Variants in LRRC9 observed in about 807,000 individuals in gnomAD.
The protein encoded by LRRC9 is leucine-rich repeat-containing protein 9.
A neutral mutation model predicts 63.2 loss-of-function variants in LRRC9; 122 were observed. The ratio of observed to expected loss-of-function variants is 1.93; its 90% confidence interval spans 1.67 to 2.24. LRRC9 has a LOEUF of 2.24. Ranked by LOEUF, LRRC9 falls within the 30% of genes most tolerant of loss-of-function variation. The pLI is 0.00. For missense variants in LRRC9, 1,071 were observed against 627.7 expected, an observed-to-expected ratio of 1.71 and a Z score of -7.55; for synonymous variants, 366 against 213.1, an observed-to-expected ratio of 1.72 and a Z score of -6.25.
intron 17 of LRRC9, among the ~76,000 whole-genome samples, chr14:59,988,885 T>C (rs1887762582): frequency 6.6e-6 from 1 of 152,142 alleles, no homozygotes. Flanking sequence ...TTTAGCTATG[T>C]CCTTTATACT....
At chr14:59,955,043 G>C (rs767593101) in intron 8 of LRRC9, among the ~76,000 whole-genome samples, 3 of 152,158 alleles carry the variant, frequency 2.0e-5, no homozygotes, top group Non-Finnish European at 4.4e-5. Context: ...GATTTGGTTT[G>C]CCAGTATTTT....
chr14:59,966,696 G>C lies in LRRC9; in HGVS notation c.1319G>C (p.Arg440Pro). 1.4e-6 allele frequency: 1 copy of C among 694,390 alleles called. No individual in the cohort carries two copies. Among genetic ancestry groups the C allele is most frequent in the Admixed American group, 2.1e-5 (1 of 48,404 alleles). 43.0% of individuals were successfully genotyped at this position (694,390 alleles called of 1,614,324 possible). A position where few individuals can be genotyped will look rare whatever the true frequency, so the allele number is the denominator to read the frequency against. ...AAACGCATCATTAAAGTTAACAACCGTATTCTGAGACTAAAATTCGAAGAG... is the reference window on the plus strand; with the variant it reads ...AAACGCATCATTAAAGTTAACAACCCTATTCTGAGACTAAAATTCGAAGAG... Residue 440 changes from arginine (R) to proline (P), a missense_variant, in exon 11 of 32, where the codon CGT (arginine) becomes CCT (proline). Physicochemically the swap from Arg to Pro is moderately radical, Grantham distance 103 (BLOSUM62 -2). Transcript: ENST00000445360. This position sits in a 1 kb window ranked among gnomAD's most constrained non-coding sequence, Gnocchi z 4.0.
At chr14:59,989,358 TTCTTA>T (rs954760180) in intron 17 of LRRC9, among the ~76,000 whole-genome samples, 46 of 152,202 alleles carry the variant, frequency 3.0e-4, no homozygotes, top group African/African-American at 9.9e-4. Context: ...CTTCATTCAT[TTCTTA>T]TCTTAAATTT....
intron 27 of LRRC9, among the ~76,000 whole-genome samples, chr14:60,025,510 G>A (rs186036728): frequency 5.8e-4 from 88 of 152,030 alleles, no homozygotes; most frequent in African/African-American, 1.8e-3. Flanking sequence ...ATGCCATGGC[G>A]AGCATGGCAA....
rs1333714341 is a variant in LRRC9 at position 60,051,989 on chromosome 14, C to T, written c.3991-1076C>T. ...ACCCCACCCTGCTTTTCTTTGTTCCCCATGGATCCAGTTGATTGCCTAGTC... is the reference window on the plus strand; with the variant it reads ...ACCCCACCCTGCTTTTCTTTGTTCCTCATGGATCCAGTTGATTGCCTAGTC... On this transcript the variant is annotated intron_variant, in intron 29 of 31. Coordinates refer to ENST00000445360, the Ensembl canonical transcript of LRRC9. This position sits in a 1 kb window ranked among gnomAD's most constrained non-coding sequence, Gnocchi z 4.7. 6.6e-6 allele frequency among the ~76,000 whole-genome samples: 1 copy of T among 152,196 alleles called. No homozygotes were observed. The highest frequency in any genetic ancestry group is 2.4e-5 in the African/African-American group (1 of 41,450).
exon 32 of LRRC9, chr14:60,063,467 T>C (rs934588100): frequency 1.5e-5 from 10 of 657,512 alleles, no homozygotes; most frequent in South Asian, 8.4e-5. Flanking sequence ...AAGATAATCA[T>C]GTTACTTAAG....
intron 1 of LRRC9, among the ~76,000 whole-genome samples, chr14:59,925,533 C>A (rs748073498): frequency 2.0e-5 from 3 of 152,152 alleles, no homozygotes; most frequent in Non-Finnish European, 4.4e-5. Flanking sequence ...CTTAAAGGCC[C>A]ACCTCTTAAT....
intron 29 of LRRC9, among the ~76,000 whole-genome samples, chr14:60,034,305 C>A (rs1892249940): frequency 6.6e-6 from 1 of 151,910 alleles, no homozygotes; most frequent in Non-Finnish European, 1.5e-5. Flanking sequence ...GAGTGAGCCA[C>A]CGTGCTCAGC....
At chr14:59,974,764 A>T (rs1885930511) in intron 13 of LRRC9, 56 bp downstream of exon 13, 1 of 564,704 alleles carries the variant, frequency 1.8e-6, no homozygotes, top group Admixed American at 3.5e-5. Context: ...CAAATTCATT[A>T]ATTATTTTTA....
chr14:59,992,508 T>A (rs150241988), intron 17 of LRRC9, among the ~76,000 whole-genome samples: 170 of 152,010 alleles, frequency 1.1e-3, no homozygotes, highest in African/African-American at 3.8e-3. Context: ...ATCAAACTAC[T>A]CAGAGCTAAA....
At chr14:60,038,799 C>A (rs936827252) in intron 29 of LRRC9, among the ~76,000 whole-genome samples, 1 of 152,170 alleles carries the variant, frequency 6.6e-6, no homozygotes, top group Admixed American at 6.5e-5. Context: ...ACTTCCAACA[C>A]TATGTTGAAT....
chr14:59,977,858 C>G (rs113823142), intron 14 of LRRC9, among the ~76,000 whole-genome samples, 159 bp from the exon 15 acceptor site: 1 of 151,932 alleles, frequency 6.6e-6, no homozygotes, highest in Non-Finnish European at 1.5e-5. Flanking sequence ...TCGCAACTTA[C>G]TGAGTTTGTT....
rs550598204 is a variant in LRRC9, at chr14:59,923,264, A to G, written c.-34+3381A>G. ...ATAGAATTTGGGGTTTTTAAATTAA[A>G]TTGTATTTTTCTAATTAGCTGTTGA... is the stretch of plus-strand genomic sequence containing the variant. On this transcript the variant is annotated intron_variant, in intron 1 of 31. Coordinates refer to ENST00000445360, the Ensembl canonical transcript of LRRC9. The surrounding 1 kb of genome is among the most constrained non-coding windows in gnomAD (Gnocchi z 4.2). Among the ~76,000 whole-genome samples, 3 of 152,370 alleles carry G rather than the reference A, an allele frequency of 2.0e-5. No homozygotes were observed. The highest frequency in any genetic ancestry group is 7.2e-5 in the African/African-American group (3 of 41,600).
At chr14:60,038,034 A>G (rs1215180448) in intron 29 of LRRC9, among the ~76,000 whole-genome samples, 1 of 152,142 alleles carries the variant, frequency 6.6e-6, no homozygotes, top group African/African-American at 2.4e-5. Context: ...TCCTTTCCCC[A>G]TTGCTTGTTT....
rs990614442 is a variant in LRRC9, at chr14:59,986,152, T to C, written c.2211+928T>C. The stretch of plus-strand genomic sequence containing the variant: ...TTTGTGTTTGCCTTCTTGTATATCA[T>C]AGGACAATACAGGAATGCACATGTA... On this transcript the variant is annotated intron_variant, in intron 17 of 31. Transcript: ENST00000445360. This position sits in a 1 kb window ranked among gnomAD's most constrained non-coding sequence, Gnocchi z 4.7. 1.3e-5 allele frequency among the ~76,000 whole-genome samples: 2 copies of C among 152,198 alleles called. No individual in the cohort carries two copies. Among genetic ancestry groups the C allele is most frequent in the Admixed American group, 6.5e-5 (1 of 15,278 alleles).
chr14:59,952,825 C>G (rs1276895807), intron 8 of LRRC9, among the ~76,000 whole-genome samples: 2 of 152,144 alleles, frequency 1.3e-5, no homozygotes, highest in African/African-American at 2.4e-5. Flanking sequence ...CACCTCGCAA[C>G]AGGACCTGGT....
At chr14:59,981,280 A>C (rs559673724) in intron 15 of LRRC9, among the ~76,000 whole-genome samples, 1 of 152,044 alleles carries the variant, frequency 6.6e-6, no homozygotes, top group South Asian at 2.1e-4. Context: ...ATAGCAGCTT[A>C]TTCTTTTATC....
intron 8 of LRRC9, among the ~76,000 whole-genome samples, chr14:59,953,976 T>C (rs1043380246): frequency 8.5e-5 from 13 of 152,200 alleles, no homozygotes; most frequent in African/African-American, 3.1e-4. Context: ...ATTGAAGATA[T>C]GTGGTGCTAT....
intron 1 of LRRC9, among the ~76,000 whole-genome samples, chr14:59,926,349 G>T (rs549690761): frequency 2.0e-5 from 3 of 152,118 alleles, no homozygotes; most frequent in African/African-American, 7.2e-5. Context: ...TAAATACATG[G>T]ACTCAAATCA....
Sources: allele counts gnomAD v4.1 joint callset (sites outside exome capture counted in the v4.1 genomes callset), GRCh38; gene constraint gnomAD v4.1.1; non-coding constraint Gnocchi (gnomAD v3.1); transcripts MANE v1.5; gene names NCBI Gene and HGNC (gene_info 2026-07-23, HGNC 2026-07-21).